The following CIRSR variants were observed in gnomAD, a reference collection of about 807,000 sequenced individuals.
The protein encoded by CIRSR is corepressor of RBPJ and splicing regulator, also known as CBF1 (RBPJ) interacting corepressor 1.
the CIRSR span, among the ~76,000 whole-genome samples, chr2:174,371,521 A>C: frequency 6.6e-6 from 1 of 152,248 alleles, no homozygotes; most frequent in Non-Finnish European, 1.5e-5. Flanking sequence ...CAAGTTTTAC[A>C]TATAATTTTG....
chr2:174,393,783 G>T, the CIRSR span, among the ~76,000 whole-genome samples: 2 of 149,266 alleles, frequency 1.3e-5, no homozygotes, highest in Admixed American at 1.3e-4. Context: ...GTATATCCCT[G>T]TGAAACCATC....
the CIRSR span, chr2:174,387,738 T>C: frequency 3.1e-6 from 5 of 1,599,848 alleles, no homozygotes; most frequent in Non-Finnish European, 4.3e-6. Context: ...ATTCTTCTTG[T>C]TTCTTCTTAT....
the CIRSR span, among the ~76,000 whole-genome samples, chr2:174,351,432 G>T: frequency 6.6e-6 from 1 of 152,070 alleles, no homozygotes; most frequent in African/African-American, 2.4e-5. Flanking sequence ...TAAAATACAG[G>T]TTTATAAACA....
chr2:174,389,947 A>G, the CIRSR span, among the ~76,000 whole-genome samples: 4 of 152,222 alleles, frequency 2.6e-5, no homozygotes, highest in African/African-American at 9.6e-5. Context: ...AGATGTATGG[A>G]AACACCTGGA....
chr2:174,377,361 G>A, the CIRSR span, among the ~76,000 whole-genome samples: 1 of 152,166 alleles, frequency 6.6e-6, no homozygotes, highest in African/African-American at 2.4e-5. Flanking sequence ...GGGGGCAAGG[G>A]AGGAGGAGGC....
At chr2:174,366,861 A>G in the CIRSR span, among the ~76,000 whole-genome samples, 1 of 152,176 alleles carries the variant, frequency 6.6e-6, no homozygotes, top group South Asian at 2.1e-4. Context: ...ATAGTATTCG[A>G]AAGTGGACTT....
the CIRSR span, among the ~76,000 whole-genome samples, chr2:174,354,986 C>A: frequency 1.3e-5 from 2 of 151,328 alleles, no homozygotes; most frequent in African/African-American, 4.9e-5. Context: ...ACAATGCAGT[C>A]TTATTCACAT....
At chr2:174,385,455 A>G in the CIRSR span, among the ~76,000 whole-genome samples, 1 of 152,286 alleles carries the variant, frequency 6.6e-6, no homozygotes, top group Admixed American at 6.5e-5. Flanking sequence ...CAAACCTAGA[A>G]GTAATAATAT....
At chr2:174,354,463 TAA>T in the CIRSR span, among the ~76,000 whole-genome samples, 2 of 94,960 alleles carry the variant, frequency 2.1e-5, no homozygotes, top group African/African-American at 4.3e-5. Context: ...ATATAATATA[TAA>T]AATATATATA....
the CIRSR span, among the ~76,000 whole-genome samples, chr2:174,375,182 C>G: frequency 6.6e-6 from 1 of 152,140 alleles, no homozygotes; most frequent in African/African-American, 2.4e-5. Flanking sequence ...TGCCTTATCA[C>G]TTTTTTAAAT....
At chr2:174,379,147 A>T in the CIRSR span, 3 of 766,436 alleles carry the variant, frequency 3.9e-6, no homozygotes, top group Non-Finnish European at 6.6e-6. Context: ...TTTTTAAAAG[A>T]TCTCCAGGGA....
the CIRSR span, among the ~76,000 whole-genome samples, chr2:174,376,482 T>TA: frequency 6.6e-6 from 1 of 151,968 alleles, no homozygotes; most frequent in African/African-American, 2.4e-5. Context: ...ACTGAGTTAT[T>TA]ATAAGGTTAA....
the CIRSR span, among the ~76,000 whole-genome samples, chr2:174,354,392 CATAT>C: frequency 4.0e-5 from 4 of 100,856 alleles, no homozygotes; most frequent in Non-Finnish European, 7.3e-5. Flanking sequence ...TATATATGTA[CATAT>C]ATATTTTATA....
chr2:174,369,971 C>T, the CIRSR span: 1 of 1,364,228 alleles, frequency 7.3e-7, no homozygotes, highest in Non-Finnish European at 9.8e-7. Flanking sequence ...GATAGATTTG[C>T]TCAGCACAGG....
the CIRSR span, among the ~76,000 whole-genome samples, chr2:174,370,191 T>C: frequency 4.6e-5 from 7 of 152,176 alleles, no homozygotes; most frequent in Admixed American, 2.0e-4. Flanking sequence ...AGCTCTAGCT[T>C]TCCTATACAG....
chr2:174,383,837 C>A, the CIRSR span, among the ~76,000 whole-genome samples: 1 of 135,342 alleles, frequency 7.4e-6, no homozygotes, highest in Non-Finnish European at 1.5e-5. Context: ...CACCTACTGG[C>A]TAGCTATCTT....
At chr2:174,372,827 C>A in the CIRSR span, among the ~76,000 whole-genome samples, 1 of 152,136 alleles carries the variant, frequency 6.6e-6, no homozygotes, top group Non-Finnish European at 1.5e-5. Flanking sequence ...GATGATTTGG[C>A]TGCCTTGGCC....
At chr2:174,381,478 C>T in the CIRSR span, among the ~76,000 whole-genome samples, 1 of 152,012 alleles carries the variant, frequency 6.6e-6, no homozygotes, top group Non-Finnish European at 1.5e-5. Flanking sequence ...CATGGTGAAA[C>T]TCTGTCTCTA....
At chr2:174,354,622 A>G in the CIRSR span, among the ~76,000 whole-genome samples, 2 of 81,156 alleles carry the variant, frequency 2.5e-5, no homozygotes, top group African/African-American at 1.0e-4. Flanking sequence ...TATATTTTAT[A>G]TATTATATAA....
Sources: allele counts gnomAD v4.1 joint callset (sites outside exome capture counted in the v4.1 genomes callset), GRCh38; gene constraint gnomAD v4.1.1; transcripts MANE v1.5; gene names NCBI Gene and HGNC (gene_info 2026-07-23, HGNC 2026-07-21).